Variants in WDR70 observed in about 807,000 individuals in gnomAD.
The protein encoded by WDR70 is WD repeat-containing protein 70.
A neutral mutation model predicts 88.6 loss-of-function variants in WDR70; 53 were observed. That is an observed-to-expected ratio of 0.60 (90% CI 0.48 to 0.75). The LOEUF (loss-of-function observed/expected upper bound fraction) is 0.75. WDR70 is among the 30% of genes least tolerant of loss of function. WDR70 has a pLI of 0.00. For missense variants in WDR70, 610 were observed against 823.2 expected (o/e 0.74, Z 3.17); for synonymous variants, 280 against 270.0 (o/e 1.04, Z -0.36).
chr5:37,521,364 T>C (rs1490049469), intron 9 of WDR70, among the ~76,000 whole-genome samples: 2 of 152,232 alleles, frequency 1.3e-5, no homozygotes, highest in African/African-American at 2.4e-5. Context: ...CAGTAGGTTT[T>C]TGGGGGACAA....
intron 6 of WDR70, among the ~76,000 whole-genome samples, chr5:37,440,348 G>T (rs146883029): frequency 0.026 from 3,996 of 151,816 alleles, 86 homozygotes; most frequent in Non-Finnish European, 0.036. Flanking sequence ...GTTGGAACAA[G>T]ACACTTTTTT....
intron 9 of WDR70, among the ~76,000 whole-genome samples, chr5:37,559,869 A>C (rs774392517): frequency 6.6e-6 from 1 of 152,022 alleles, no homozygotes; most frequent in African/African-American, 2.4e-5. Flanking sequence ...AACTTTTTGA[A>C]AGCCTTAGGA....
rs70978839 is a variant in WDR70 at position 37,699,402 on chromosome 5, T to TAC, written c.1193-1633_1193-1632dup. On this transcript the variant is annotated intron_variant, in intron 11 of 17. Coordinates refer to ENST00000265107, the MANE Select transcript of WDR70 (RefSeq NM_018034.4). ...ATATATGTATGTGTGTATATATATA[T>TAC]ACACACACACACACACACACACACT... 3.6e-3 allele frequency among the ~76,000 whole-genome samples: 256 copies of TAC among 70,796 alleles called. 1 individual carries two copies. The highest frequency in any genetic ancestry group is 0.019 in the African/African-American group (243 of 12,696). The allele number at this position is 70,796 out of a possible 152,430, so 46.4% of individuals were successfully genotyped here.
At chr5:37,431,881 G>A (rs1372618232) in intron 5 of WDR70, among the ~76,000 whole-genome samples, 1 of 152,072 alleles carries the variant, frequency 6.6e-6, no homozygotes, top group East Asian at 1.9e-4. Context: ...AGCATGTGTC[G>A]GAATTTTCTT....
At chr5:37,594,625 G>A (rs1406226415) in intron 9 of WDR70, among the ~76,000 whole-genome samples, 2 of 152,152 alleles carry the variant, frequency 1.3e-5, no homozygotes, top group Admixed American at 6.5e-5. Context: ...TTGGCAATGC[G>A]GGCTCTTTTT....
rs530917680 is a variant in WDR70 at position 37,395,712 on chromosome 5, T to C, written c.297-663T>C. 2.6e-5 allele frequency among the ~76,000 whole-genome samples: 4 copies of C among 152,340 alleles called. No individual in the cohort carries two copies. The South Asian group carries it at 8.3e-4, about 32-fold the overall frequency. ...AAATATAGTTAATTGAGGCACTGGA[T>C]ATCTCAGTGGTTTTTGTCCGTTACT... On this transcript the variant is annotated intron_variant, in intron 4 of 17. Transcript: ENST00000265107.
chr5:37,611,796 T>TTTA (rs397997419), intron 10 of WDR70, among the ~76,000 whole-genome samples: 1 of 146,092 alleles, frequency 6.8e-6, no homozygotes, highest in Admixed American at 6.8e-5. Context: ...TTTTTTTTTT[T>TTTA]AAAAAAAAAC....
chr5:37,525,021 A>G (rs1220553831), intron 9 of WDR70, among the ~76,000 whole-genome samples: 2 of 152,190 alleles, frequency 1.3e-5, no homozygotes, highest in Non-Finnish European at 2.9e-5. Context: ...CTCCTGCACA[A>G]TAATAATGGG....
chr5:37,723,226 T>C, intron 15 of WDR70: 1 of 325,100 alleles, frequency 3.1e-6, no homozygotes, highest in Non-Finnish European at 5.7e-6. Context: ...CTATTCCAAG[T>C]GTGAACAAGA....
chr5:37,488,840 A>C (rs1739976471), intron 8 of WDR70, among the ~76,000 whole-genome samples: 1 of 151,970 alleles, frequency 6.6e-6, no homozygotes. Flanking sequence ...GTTCCCTTGG[A>C]GGTGTCACTT....
intron 9 of WDR70, among the ~76,000 whole-genome samples, chr5:37,539,985 A>G (rs1581378495): frequency 6.6e-6 from 1 of 152,260 alleles, no homozygotes. Flanking sequence ...AAAGTTTGTG[A>G]CTTTTGATCT....
chr5:37,473,011 A>T (rs748346934), intron 7 of WDR70, among the ~76,000 whole-genome samples: 9 of 151,986 alleles, frequency 5.9e-5, no homozygotes, highest in Non-Finnish European at 1.3e-4. Flanking sequence ...TGTGTATGAG[A>T]ATTCTAATTG....
At chr5:37,593,353 T>C (rs997208722) in intron 9 of WDR70, among the ~76,000 whole-genome samples, 1 of 151,290 alleles carries the variant, frequency 6.6e-6, no homozygotes, top group Non-Finnish European at 1.5e-5. Context: ...TTCCCTGCCC[T>C]GTGTTCTCAT....
intron 9 of WDR70, among the ~76,000 whole-genome samples, chr5:37,538,902 A>T (rs1741739180): frequency 6.6e-6 from 1 of 152,236 alleles, no homozygotes. Flanking sequence ...TGATCTAATG[A>T]GGAACTATTT....
At chr5:37,390,147 C>G (rs1748765780) in intron 3 of WDR70, among the ~76,000 whole-genome samples, 1 of 151,786 alleles carries the variant, frequency 6.6e-6, no homozygotes, top group African/African-American at 2.4e-5. Context: ...TCCTAGTGCC[C>G]CCACAATTGT....
At chr5:37,493,197 G>A (rs62358993) in intron 8 of WDR70, among the ~76,000 whole-genome samples, 77,078 of 151,846 alleles carry the variant, frequency 0.51, 20,239 homozygotes, top group South Asian at 0.63. Context: ...GACACCCCCA[G>A]TTTATTACCT....
intron 7 of WDR70, among the ~76,000 whole-genome samples, chr5:37,455,933 T>G (rs1174713675): frequency 6.6e-6 from 1 of 152,132 alleles, no homozygotes; most frequent in Admixed American, 6.5e-5. Context: ...GTAGTTTTGT[T>G]CCCTTTTATA....
At chr5:37,385,693 T>A (rs1748589120) in intron 3 of WDR70, among the ~76,000 whole-genome samples, 1 of 151,892 alleles carries the variant, frequency 6.6e-6, no homozygotes. Flanking sequence ...AGCATAAACT[T>A]AGGTGGGATC....
intron 15 of WDR70, 167 bp downstream of exon 15, chr5:37,723,101 G>A (rs1253232895): frequency 2.8e-6 from 2 of 715,636 alleles, no homozygotes; most frequent in Non-Finnish European, 4.6e-6. Flanking sequence ...AACCTCTGTG[G>A]CTTCTGTGAC....
Sources: allele counts gnomAD v4.1 joint callset (sites outside exome capture counted in the v4.1 genomes callset), GRCh38; gene constraint gnomAD v4.1.1; transcripts MANE v1.5; gene names NCBI Gene and HGNC (gene_info 2026-07-23, HGNC 2026-07-21).